The following PTPRF variants were observed in gnomAD, a reference collection of about 807,000 sequenced individuals.
The protein encoded by PTPRF is protein tyrosine phosphatase receptor type F, also known as receptor-type tyrosine-protein phosphatase F.
In PTPRF, 59 loss-of-function variants were observed where a neutral mutation model predicts 201.8. That is an observed-to-expected ratio of 0.29 (90% CI 0.24 to 0.36). The LOEUF is 0.36. Among genes scored for constraint, PTPRF ranks in the 10% least tolerant of loss-of-function variants. The pLI is 1.00. For synonymous variants in PTPRF, 1,088 were observed against 1,089.7 expected (o/e 1.00, Z 0.03); for missense variants, 2,132 against 2,690.5 (o/e 0.79, Z 4.59).
intron 8 of PTPRF, among the ~76,000 whole-genome samples, chr1:43,589,651 G>A (rs910873291): frequency 6.9e-6 from 1 of 144,624 alleles, no homozygotes; most frequent in African/African-American, 2.6e-5. Flanking sequence ...GAGCTCAGGA[G>A]TTTGAGACCA....
intron 3 of PTPRF, among the ~76,000 whole-genome samples, chr1:43,548,468 A>G (rs1307323429): frequency 6.6e-6 from 1 of 151,818 alleles, no homozygotes; most frequent in African/African-American, 2.4e-5. Flanking sequence ...CCCTCGTTCT[A>G]TGGGTGGCCT....
intron 22 of PTPRF, among the ~76,000 whole-genome samples, chr1:43,610,106 T>C (rs1462453404): frequency 6.6e-6 from 1 of 152,146 alleles, no homozygotes; most frequent in African/African-American, 2.4e-5. Flanking sequence ...GTGTCTCTTC[T>C]TGGCTCCAGG....
chr1:43,546,527 G>C lies in PTPRF; in HGVS notation c.91+1361G>C, dbSNP rs1644684758. ...GGAAGGTGAAGGCTTGTCCACGTGT[G>C]GTCAGTAGCTCTTGGACATTGAAGT... is the stretch of plus-strand genomic sequence containing the variant. On this transcript the variant is annotated intron_variant, in intron 3 of 33. Coordinates refer to ENST00000359947, the MANE Select transcript of PTPRF (RefSeq NM_002840.5). This position sits in a 1 kb window ranked among gnomAD's most constrained non-coding sequence, Gnocchi z 4.2. 6.6e-6 allele frequency among the ~76,000 whole-genome samples: 1 copy of C among 152,118 alleles called. No homozygotes were observed. The highest frequency in any genetic ancestry group is 2.4e-5 in the African/African-American group (1 of 41,404).
At position 43,622,415 on chromosome 1, in the gene PTPRF, C is replaced by G. The variant is rs566855750; in HGVS notation, c.*412C>G. On this transcript the variant is annotated 3_prime_UTR_variant, in exon 34 of 34. Transcript: ENST00000359947. ...CGCGAATCCGTATCTGCAGAATGGGCCACTGTAGGGGTTGGGGTTTATTTT... is the reference window on the plus strand; with the variant it reads ...CGCGAATCCGTATCTGCAGAATGGGGCACTGTAGGGGTTGGGGTTTATTTT... 1 of 186,568 alleles carries G rather than the reference C, an allele frequency of 5.4e-6. No individual in the cohort carries two copies. Among genetic ancestry groups the G allele is most frequent in the Non-Finnish European group, 1.1e-5 (1 of 90,454 alleles). 11.6% of individuals were successfully genotyped at this position (186,568 alleles called of 1,614,324 possible). A position where few individuals can be genotyped will look rare whatever the true frequency, so the allele number is the denominator to read the frequency against.
Position 43,592,439 on chromosome 1 carries a change from G to T in PTPRF, c.1669-18G>T, listed in dbSNP as rs1306735441. The T allele has an allele frequency of 1.8e-5, 28 of 1,593,040 alleles. No individual in the cohort carries two copies. The highest frequency in any genetic ancestry group is 2.3e-5 in the Non-Finnish European group (27 of 1,169,370). On this transcript the variant is annotated intron_variant, in intron 10 of 33. Transcript: ENST00000359947. ...TTTGAGCTCAGAGCTGTCAGTGAGT[G>T]CTCCCTGCTCTTCCCAGCACAAGGT... is the stretch of plus-strand genomic sequence containing the variant.
chr1:43,538,699 T>C (rs1010052738), intron 2 of PTPRF, among the ~76,000 whole-genome samples: 1 of 152,228 alleles, frequency 6.6e-6, no homozygotes, highest in Non-Finnish European at 1.5e-5. Flanking sequence ...CTTCTGCTTC[T>C]CCATTCGCCA....
intron 6 of PTPRF, among the ~76,000 whole-genome samples, chr1:43,578,557 G>A (rs542193112): frequency 1.3e-5 from 2 of 152,342 alleles, no homozygotes; most frequent in South Asian, 2.1e-4. Flanking sequence ...GTCCCTGGCA[G>A]AGCAAAGGTG....
intron 33 of PTPRF, 88 bp from the exon 34 acceptor site, chr1:43,621,847 T>C: frequency 9.5e-6 from 13 of 1,363,624 alleles, no homozygotes; most frequent in Non-Finnish European, 1.4e-5. Flanking sequence ...CAGCAGAGGC[T>C]AACTCCATGG....
At chr1:43,606,790 C>T in intron 20 of PTPRF, 24 bp from the exon 21 acceptor site, 1 of 1,609,444 alleles carries the variant, frequency 6.2e-7, no homozygotes, top group Non-Finnish European at 8.5e-7. Context: ...AGCTCACAGC[C>T]TGCTGTTCTC....
At chr1:43,609,321 C>A in intron 21 of PTPRF, 62 bp from the exon 22 acceptor site, 1 of 1,371,454 alleles carries the variant, frequency 7.3e-7, no homozygotes, top group Non-Finnish European at 1.0e-6. Context: ...GCCAGCCATG[C>A]CATGTGTCAC....
Position 43,617,926 on chromosome 1 carries a change from C to T in PTPRF, c.4371+15C>T, listed in dbSNP as rs777348672. 1.1e-5 allele frequency: 18 copies of T among 1,594,782 alleles called. No individual in the cohort carries two copies. The South Asian group carries it at 1.8e-4, about 16-fold the overall frequency. ...AGAAGTCCCGGGTGAGGCTGCAGGG[C>T]CCTGCCAGGAGGCGGGTGGGAAATG... On this transcript the variant is annotated intron_variant, in intron 25 of 33. Coordinates refer to ENST00000359947, the MANE Select transcript of PTPRF (RefSeq NM_002840.5).
chr1:43,573,941 T>C (rs984172647), intron 6 of PTPRF, among the ~76,000 whole-genome samples: 2 of 144,436 alleles, frequency 1.4e-5, no homozygotes, highest in African/African-American at 5.2e-5. Flanking sequence ...CTTGTAAATA[T>C]CAGAGAACCT....
chr1:43,621,183 A>C lies in PTPRF; in HGVS notation c.5606A>C (p.Gln1869Pro), dbSNP rs752128149. ...TACGAGGGCGTGGTCGACATGTTTC[A>C]GACCGTGAAGACCCTGCGTACACAG... is the stretch of plus-strand genomic sequence containing the variant. ...MRYEGVVDMFQTVKTLRTQRP... is the reference protein window; with the variant it reads ...MRYEGVVDMFPTVKTLRTQRP... Residue 1869 changes from glutamine (Q) to proline (P), a missense_variant, in exon 33 of 34, where the codon CAG becomes CCG. By Grantham distance (76) the Gln-to-Pro change is moderately conservative (BLOSUM62 -1). This residue lies in a region of PTPRF where 519 missense variants were observed against 659.5 expected (regional missense o/e 0.79). Coordinates refer to ENST00000359947, the MANE Select transcript of PTPRF (RefSeq NM_002840.5). The C allele has an allele frequency of 6.2e-7, 1 of 1,614,184 alleles. No individual in the cohort carries two copies. The highest frequency in any genetic ancestry group is 2.2e-5 in the East Asian group (1 of 44,890).
intron 21 of PTPRF, among the ~76,000 whole-genome samples, chr1:43,607,918 C>T (rs527317918): frequency 1.1e-4 from 17 of 152,382 alleles, no homozygotes; most frequent in African/African-American, 4.1e-4. Flanking sequence ...TGTGCCAAGC[C>T]TTCAGCCCCC....
Position 43,617,880 on chromosome 1 carries a change from T to C in PTPRF, c.4340T>C (p.Val1447Ala), listed in dbSNP as rs1395607317. 10 of 1,612,428 alleles carry C rather than the reference T, an allele frequency of 6.2e-6. No homozygotes were observed. Among genetic ancestry groups the C allele is most frequent in the Non-Finnish European group, 8.5e-6 (10 of 1,178,924 alleles). ...MVWEQRTATV[V>A]MMTRLEEKSR... ...TGGGAACAGCGCACGGCCACTGTGGTCATGATGACACGGCTGGAGGAGAAG... is the reference window on the plus strand; with the variant it reads ...TGGGAACAGCGCACGGCCACTGTGGCCATGATGACACGGCTGGAGGAGAAG... The change falls in exon 25 of 34, where the codon GTC becomes GCC. Residue 1447 changes from valine (V) to alanine (A), a missense_variant. By Grantham distance (64) the Val-to-Ala change is moderately conservative (BLOSUM62 0). Coordinates refer to ENST00000359947, the MANE Select transcript of PTPRF (RefSeq NM_002840.5).
rs201705061 is a variant in PTPRF at position 43,591,826 on chromosome 1, G to C, written c.1546G>C (p.Ala516Pro). 19 of 1,613,170 alleles carry C rather than the reference G, an allele frequency of 1.2e-5. No individual in the cohort carries two copies. The highest frequency in any genetic ancestry group is 1.6e-5 in the Non-Finnish European group (19 of 1,179,992). ...KTQQGVPAQPADFQAEVESDT... is the reference protein window; with the variant it reads ...KTQQGVPAQPPDFQAEVESDT... Reference sequence around the variant, plus strand: ...GGGTGTTGCAGTGCCTGCCCAGCCCGCGGACTTCCAGGCCGAGGTGGAGTC... The same window carrying C: ...GGGTGTTGCAGTGCCTGCCCAGCCCCCGGACTTCCAGGCCGAGGTGGAGTC... Residue 516 changes from alanine (A) to proline (P), a missense_variant, in exon 10 of 34, where the codon GCG becomes CCG. By Grantham distance (27) the Ala-to-Pro change is conservative. Transcript: ENST00000359947.
intron 11 of PTPRF, among the ~76,000 whole-genome samples, chr1:43,595,962 T>C (rs540258068): frequency 3.4e-4 from 52 of 152,014 alleles, no homozygotes; most frequent in Middle Eastern, 3.4e-3. Context: ...ATGAGGCCTC[T>C]AGGGACGTGT....
At chr1:43,528,313 C>G (rs1321041544), upstream of PTPRF, among the ~76,000 whole-genome samples, 1 of 152,142 alleles carries the variant, frequency 6.6e-6, no homozygotes, top group Non-Finnish European at 1.5e-5. Flanking sequence ...CCCAGCCTCC[C>G]AAGTAGCTGG....
At chr1:43,601,988 C>A in intron 13 of PTPRF, 83 bp from the exon 14 acceptor site, 1 of 1,517,734 alleles carries the variant, frequency 6.6e-7, no homozygotes, top group Non-Finnish European at 9.2e-7. Flanking sequence ...CCTCCCTGGG[C>A]AAGGTCCCTT....
Sources: gnomAD v4.1 joint callset for allele counts (sites outside exome capture counted in the v4.1 genomes callset) on GRCh38, gnomAD v4.1.1 for gene constraint, gnomAD v4.1.1 regional missense constraint, Gnocchi (gnomAD v3.1) non-coding constraint, MANE v1.5 for transcripts, NCBI Gene and HGNC (gene_info 2026-07-23, HGNC 2026-07-21) for gene names.